Variants in FANCF observed in about 807,000 individuals in gnomAD.
The protein encoded by FANCF is FA complementation group F, also known as Fanconi anemia group F protein.
For synonymous variants in FANCF, 257 were observed against 205.9 expected, an observed-to-expected ratio of 1.25 and a Z score of -2.13; for missense variants, 552 against 481.8, an observed-to-expected ratio of 1.15 and a Z score of -1.36.
Position 22,625,722 on chromosome 11 carries a change from G to A in FANCF, c.89C>T (p.Thr30Ile), listed in dbSNP as rs370347668. The change falls in exon 1 of 1, where the codon ACC becomes ATC. Residue 30 changes from threonine to isoleucine, a missense_variant. Thr to Ile is a moderately conservative substitution (Grantham distance 89). Transcript: ENST00000327470. ...TTYVSTWDPA[T>I]VRRALQWARY... ...CGCCCACTGCAAGGCCCGGCGCACGGTGGCGGGGTCCCAGGTGCTGACGTA... is the reference window on the plus strand; with the variant it reads ...CGCCCACTGCAAGGCCCGGCGCACGATGGCGGGGTCCCAGGTGCTGACGTA... 4 of 1,614,176 alleles carry A rather than the reference G, an allele frequency of 2.5e-6. No homozygotes were observed. The highest frequency in any genetic ancestry group is 2.2e-5 in the South Asian group (2 of 91,082).
Position 22,625,187 on chromosome 11 carries a change from C to A in FANCF, c.624G>T (p.Ala208=), listed in dbSNP as rs7103674. ...QNNFLKVIAV[A]LLQPPLSRRP... ...GACGAGACAAAGGCGGCTGCAACAG[C>A]GCCACCGCTATCACCTTCAGGAAGT... Residue 208 remains alanine, a synonymous_variant, in exon 1 of 1, where the codon GCG becomes GCT. Transcript: ENST00000327470. 1.8e-3 allele frequency: 2,900 copies of A among 1,610,804 alleles called. 55 individuals carry two copies. The African/African-American group carries it at 0.035, about 19-fold the overall frequency.
chr11:22,624,800 T>A lies in FANCF; in HGVS notation c.1011A>T (p.Gly337=), dbSNP rs1858615767. ...TALETCKAQD[G]DFEVPGLSIW... is the part of the protein sequence containing the mutation. Reference sequence around the variant, plus strand: ...TGCTAAGACCAGGTACTTCAAAATCTCCATCCTGCGCTTTACAGGTCTCCA... The same window carrying A: ...TGCTAAGACCAGGTACTTCAAAATCACCATCCTGCGCTTTACAGGTCTCCA... Residue 337 remains glycine, a synonymous_variant, in exon 1 of 1, where the codon GGA becomes GGT. Transcript: ENST00000327470. 1 of 1,614,042 alleles carries A rather than the reference T, an allele frequency of 6.2e-7. No individual in the cohort carries two copies. Among genetic ancestry groups the A allele is most frequent in the African/African-American group, 1.3e-5 (1 of 74,912 alleles).
chr11:22,625,577 C>T lies in FANCF; in HGVS notation c.234G>A (p.Pro78=), dbSNP rs144503236. Residue 78 remains proline, a synonymous_variant, in exon 1 of 1, where the codon CCG becomes CCA. Coordinates refer to ENST00000327470, the MANE Select transcript of FANCF (RefSeq NM_022725.4). ...QEGGFGRGPV[P]GLANFQALGH... ...CGAGGGCCTGGAAGTTCGCTAATCC[C>T]GGAACTGGACCCCGCCCAAAGCCGC... The T allele has an allele frequency of 1.9e-5, 30 of 1,613,812 alleles. No individual in the cohort carries two copies. The highest frequency in any genetic ancestry group is 2.4e-5 in the Non-Finnish European group (28 of 1,180,010).
Position 22,624,603 on chromosome 11 carries a change from C to T in FANCF, c.*83G>A, listed in dbSNP as rs1858610825. The T allele has an allele frequency of 3.3e-6, 4 of 1,209,722 alleles. No homozygotes were observed. 74.9% of individuals were successfully genotyped at this position (1,209,722 alleles called of 1,614,324 possible). A position where few individuals can be genotyped will look rare whatever the true frequency, so the allele number is the denominator to read the frequency against. The stretch of plus-strand genomic sequence containing the variant: ...CTAAAATAATTATACTTTGGACACA[C>T]GAAGGCATATATTTGGTGAGAACAT... On this transcript the variant is annotated 3_prime_UTR_variant, in exon 1 of 1. Coordinates refer to ENST00000327470, the MANE Select transcript of FANCF (RefSeq NM_022725.4).
At position 22,625,466 on chromosome 11, in the gene FANCF, G is replaced by T. The variant is rs749884571; in HGVS notation, c.345C>A (p.Leu115=). Reference sequence around the variant, plus strand: ...CGTCCCGGACGCCCGGGCCGGGAAAGAGTTGCTGCACCAGGTGGTAACGAG... The same window carrying T: ...CGTCCCGGACGCCCGGGCCGGGAAATAGTTGCTGCACCAGGTGGTAACGAG... ...DAARYHLVQQ[L]FPGPGVRDAD... Residue 115 remains leucine (L), a synonymous_variant, in exon 1 of 1, where the codon CTC becomes CTA. Coordinates refer to ENST00000327470, the MANE Select transcript of FANCF (RefSeq NM_022725.4). 1.9e-6 allele frequency: 3 copies of T among 1,614,138 alleles called. No individual in the cohort carries two copies. The African/African-American group carries it at 4.0e-5, about 22-fold the overall frequency.
rs924920216 is a variant in FANCF, at chr11:22,625,764, G to A, written c.47C>T (p.Ala16Val). Residue 16 changes from alanine (A) to valine (V), a missense_variant, in exon 1 of 1, where the codon GCG becomes GTG. By Grantham distance (64) the Ala-to-Val change is moderately conservative. Coordinates refer to ENST00000327470, the MANE Select transcript of FANCF (RefSeq NM_022725.4). ...GCTGACGTAGGTAGTGCTTGAGACCGCCAGAAGCTCGGAAAAGCGATCCAG... is the reference window on the plus strand; with the variant it reads ...GCTGACGTAGGTAGTGCTTGAGACCACCAGAAGCTCGGAAAAGCGATCCAG... ...QHLDRFSELLAVSSTTYVSTW... is the reference protein window; with the variant it reads ...QHLDRFSELLVVSSTTYVSTW... 1 of 1,614,166 alleles carries A rather than the reference G, an allele frequency of 6.2e-7. No homozygotes were observed. Among genetic ancestry groups the A allele is most frequent in the South Asian group, 1.1e-5 (1 of 91,090 alleles).
chr11:22,623,132 GA>G lies in FANCF; in HGVS notation c.*1553del. ...TCTACAAGATGGCCTTCATGGATTAGAAAAAGGAATCAGACCACAAGGAAAA... is the reference window on the plus strand; with the variant it reads ...TCTACAAGATGGCCTTCATGGATTAGAAAAGGAATCAGACCACAAGGAAAA... On this transcript the variant is annotated 3_prime_UTR_variant, in exon 1 of 1. Transcript: ENST00000327470. 1.4e-5 allele frequency: 3 copies of G among 211,184 alleles called. No homozygotes were observed. The highest frequency in any genetic ancestry group is 7.1e-5 in the East Asian group (1 of 14,026). The allele number at this position is 211,184 out of a possible 1,614,324, so 13.1% of individuals were successfully genotyped here.
Position 22,624,938 on chromosome 11 carries a change from T to C in FANCF, c.873A>G (p.Lys291=), listed in dbSNP as rs757578045. 6.3e-5 allele frequency: 102 copies of C among 1,614,046 alleles called. No individual in the cohort carries two copies. In the Middle Eastern group the frequency reaches 2.3e-3, roughly 36 times the overall value. ...GGGACTCAGTTCCAACCCAAATGCC[T>C]TTCTGAAGGTCATAGTGCAAACGTT... ...WGQRLHYDLQ[K]GIWVGTESQD... is the part of the protein sequence containing the mutation. The change falls in exon 1 of 1, where the codon AAA becomes AAG. Residue 291 remains lysine, a synonymous_variant. Transcript: ENST00000327470.
At position 22,625,763 on chromosome 11, in the gene FANCF, C is replaced by G; in HGVS notation, c.48G>C (p.Ala16=). 1 of 1,614,144 alleles carries G rather than the reference C, an allele frequency of 6.2e-7. No individual in the cohort carries two copies. The highest frequency in any genetic ancestry group is 1.1e-5 in the South Asian group (1 of 91,090). ...TGCTGACGTAGGTAGTGCTTGAGAC[C>G]GCCAGAAGCTCGGAAAAGCGATCCA... is the stretch of plus-strand genomic sequence containing the variant. ...QHLDRFSELL[A]VSSTTYVSTW... Residue 16 remains alanine (A), a synonymous_variant, in exon 1 of 1, where the codon GCG becomes GCC. Coordinates refer to ENST00000327470, the MANE Select transcript of FANCF (RefSeq NM_022725.4).
At position 22,625,259 on chromosome 11, in the gene FANCF, A is replaced by C. The variant is rs1457136262; in HGVS notation, c.552T>G (p.Arg184=). 4.3e-6 allele frequency: 7 copies of C among 1,614,012 alleles called. No homozygotes were observed. Among genetic ancestry groups the C allele is most frequent in the Non-Finnish European group, 5.9e-6 (7 of 1,180,046 alleles). The change falls in exon 1 of 1, where the codon CGT becomes CGG. Residue 184 remains arginine, a synonymous_variant. Transcript: ENST00000327470. ...ACAGGCTGCTGAGAAACCTGGCGGGACGCTCCGCTTCGGCCTTCCCCACCT... is the reference window on the plus strand; with the variant it reads ...ACAGGCTGCTGAGAAACCTGGCGGGCCGCTCCGCTTCGGCCTTCCCCACCT... The part of the protein sequence containing the change: ...LQEVGKAEAE[R]PARFLSSLWE...
chr11:22,625,193 C>G lies in FANCF; in HGVS notation c.618G>C (p.Ala206=), dbSNP rs1056134185. Residue 206 remains alanine, a synonymous_variant, in exon 1 of 1, where the codon GCG becomes GCC. Coordinates refer to ENST00000327470, the MANE Select transcript of FANCF (RefSeq NM_022725.4). ...ACAAAGGCGGCTGCAACAGCGCCAC[C>G]GCTATCACCTTCAGGAAGTTGTTCT... is the stretch of plus-strand genomic sequence containing the variant. ...LPQNNFLKVI[A]VALLQPPLSR... is the part of the protein sequence containing the mutation. The G allele has an allele frequency of 1.2e-6, 2 of 1,611,880 alleles. No homozygotes were observed. The highest frequency in any genetic ancestry group is 4.5e-5 in the East Asian group (2 of 44,846).
In FANCF at chr11:22,625,451, G is replaced by A. The variant is rs775422716; in HGVS notation, c.360C>T (p.Gly120=). ...HLVQQLFPGP[G]VRDADEETLQ... ...GTGTCTCCTCATCGGCGTCCCGGACGCCCGGGCCGGGAAAGAGTTGCTGCA... is the reference window on the plus strand; with the variant it reads ...GTGTCTCCTCATCGGCGTCCCGGACACCCGGGCCGGGAAAGAGTTGCTGCA... Residue 120 remains glycine, a synonymous_variant, in exon 1 of 1, where the codon GGC becomes GGT. Coordinates refer to ENST00000327470, the MANE Select transcript of FANCF (RefSeq NM_022725.4). 1.9e-5 allele frequency: 31 copies of A among 1,613,980 alleles called. No homozygotes were observed. The highest frequency in any genetic ancestry group is 8.3e-5 in the Admixed American group (5 of 60,012).
chr11:22,625,398 C>A lies in FANCF; in HGVS notation c.413G>T (p.Arg138Leu). The part of the protein sequence containing the change: ...TLQESLARLA[R>L]RRSAVHMLRF... ...CAGCATGTGCACCGCAGACCGCCGG[C>A]GGGCAAGGCGGGCCAGGCTCTCTTG... The change falls in exon 1 of 1, where the codon CGC (arginine) becomes CTC (leucine). Residue 138 changes from arginine (R) to leucine (L), a missense_variant. Coordinates refer to ENST00000327470, the MANE Select transcript of FANCF (RefSeq NM_022725.4). The A allele has an allele frequency of 6.2e-7, 1 of 1,614,200 alleles. No individual in the cohort carries two copies.
At position 22,625,719 on chromosome 11, in the gene FANCF, A is replaced by T. The variant is rs1180204445; in HGVS notation, c.92T>A (p.Val31Glu). 1 of 1,614,150 alleles carries T rather than the reference A, an allele frequency of 6.2e-7. No individual in the cohort carries two copies. The highest frequency in any genetic ancestry group is 8.5e-7 in the Non-Finnish European group (1 of 1,180,026). The change falls in exon 1 of 1, where the codon GTG (valine) becomes GAG (glutamate). Residue 31 changes from valine (V) to glutamate (E), a missense_variant. Val to Glu is a moderately radical substitution (Grantham distance 121). Transcript: ENST00000327470. ...GCGCGCCCACTGCAAGGCCCGGCGC[A>T]CGGTGGCGGGGTCCCAGGTGCTGAC... is the stretch of plus-strand genomic sequence containing the variant. ...TYVSTWDPATVRRALQWARYL... is the reference protein window; with the variant it reads ...TYVSTWDPATERRALQWARYL...
chr11:22,623,006 G>A lies in FANCF; in HGVS notation c.*1680C>T, dbSNP rs1858580192. 1 of 204,530 alleles carries A rather than the reference G, an allele frequency of 4.9e-6. No individual in the cohort carries two copies. The highest frequency in any genetic ancestry group is 2.3e-5 in the African/African-American group (1 of 43,766). The allele number at this position is 204,530 out of a possible 1,614,324, so 12.7% of individuals were successfully genotyped here. A position where few individuals can be genotyped will look rare whatever the true frequency, so the allele number is the denominator to read the frequency against. On this transcript the variant is annotated 3_prime_UTR_variant, in exon 1 of 1. Transcript: ENST00000327470. ...TTTCTAAAGCTAAAGCTAACATTAG[G>A]CCTTGCTATGGTAGAACTCTTCACT...
chr11:22,624,518 A>G lies in FANCF; in HGVS notation c.*168T>C. On this transcript the variant is annotated 3_prime_UTR_variant, in exon 1 of 1. Transcript: ENST00000327470. ...TTCCTCTATCCAGAAAATCCGTGACACTACATGCCAGCTACTTTGCATATT... is the reference window on the plus strand; with the variant it reads ...TTCCTCTATCCAGAAAATCCGTGACGCTACATGCCAGCTACTTTGCATATT... The G allele has an allele frequency of 1.5e-6, 1 of 656,556 alleles. No individual in the cohort carries two copies. The highest frequency in any genetic ancestry group is 2.6e-6 in the Non-Finnish European group (1 of 380,626). 40.7% of individuals were successfully genotyped at this position (656,556 alleles called of 1,614,324 possible). A position where few individuals can be genotyped will look rare whatever the true frequency, so the allele number is the denominator to read the frequency against.
At position 22,625,703 on chromosome 11, in the gene FANCF, C is replaced by T. The variant is rs1858637231; in HGVS notation, c.108G>A (p.Gln36=). The T allele has an allele frequency of 6.2e-7, 1 of 1,614,160 alleles. No individual in the cohort carries two copies. Among genetic ancestry groups the T allele is most frequent in the Non-Finnish European group, 8.5e-7 (1 of 1,180,034 alleles). Residue 36 remains glutamine (Q), a synonymous_variant, in exon 1 of 1, where the codon CAG becomes CAA. Transcript: ENST00000327470. The part of the protein sequence containing the change: ...WDPATVRRAL[Q]WARYLRHIHR... ...GGATGTGGCGCAGGTAGCGCGCCCA[C>T]TGCAAGGCCCGGCGCACGGTGGCGG...
chr11:22,625,674 C>A lies in FANCF; in HGVS notation c.137G>T (p.Arg46Leu). 1 of 1,613,970 alleles carries A rather than the reference C, an allele frequency of 6.2e-7. No homozygotes were observed. The highest frequency in any genetic ancestry group is 8.5e-7 in the Non-Finnish European group (1 of 1,179,974). The change falls in exon 1 of 1, where the codon CGG (arginine) becomes CTG (leucine). Residue 46 changes from arginine (R) to leucine (L), a missense_variant. By Grantham distance (102) the Arg-to-Leu change is moderately radical. Transcript: ENST00000327470. ...QWARYLRHIHRRFGRHGPIRT... is the reference protein window; with the variant it reads ...QWARYLRHIHLRFGRHGPIRT... Reference sequence around the variant, plus strand: ...AATGGGGCCATGCCGACCAAAGCGCCGATGGATGTGGCGCAGGTAGCGCGC... The same window carrying A: ...AATGGGGCCATGCCGACCAAAGCGCAGATGGATGTGGCGCAGGTAGCGCGC...
At position 22,624,621 on chromosome 11, in the gene FANCF, G is replaced by T; in HGVS notation, c.*65C>A. 1 of 1,400,486 alleles carries T rather than the reference G, an allele frequency of 7.1e-7. No homozygotes were observed. The highest frequency in any genetic ancestry group is 1.2e-5 in the South Asian group (1 of 86,218). The allele number at this position is 1,400,486 out of a possible 1,614,324, so 86.8% of individuals were successfully genotyped here. A position where few individuals can be genotyped will look rare whatever the true frequency, so the allele number is the denominator to read the frequency against. ...GGACACACGAAGGCATATATTTGGT[G>T]AGAACATTGTAATTTTCATTTTGTA... On this transcript the variant is annotated 3_prime_UTR_variant, in exon 1 of 1. Transcript: ENST00000327470.
Sources: allele counts gnomAD v4.1 joint callset, GRCh38; gene constraint gnomAD v4.1.1; transcripts MANE v1.5; gene names NCBI Gene and HGNC (gene_info 2026-07-23, HGNC 2026-07-21).